CWC27: variants seen among roughly 807,000 people sequenced by gnomAD.
CWC27 encodes the protein CWC27 spliceosome associated cyclophilin, also known as spliceosome-associated protein CWC27 homolog.
Under a neutral mutation model 63.6 loss-of-function variants are expected in CWC27, and 47 were observed. That is an observed-to-expected ratio of 0.74 (90% CI 0.58 to 0.94). The LOEUF is 0.94. Among genes scored for constraint, CWC27 ranks in the 40% least tolerant of loss-of-function variants. CWC27 has a pLI of 0.00. For synonymous variants in CWC27, 175 were observed against 179.8 expected (o/e 0.97, Z 0.22); for missense variants, 495 against 554.3 (o/e 0.89, Z 1.07).
At chr5:64,797,462 A>G (rs1220609199) in intron 7 of CWC27, among the ~76,000 whole-genome samples, 1 of 152,152 alleles carries the variant, frequency 6.6e-6, no homozygotes, top group African/African-American at 2.4e-5. Context: ...GGCTTTTCAT[A>G]TATTTCTATA....
At position 64,783,935 on chromosome 5, in the gene CWC27, G is replaced by A; in HGVS notation, c.352G>A (p.Gly118Ser). 6.2e-7 allele frequency: 1 copy of A among 1,601,932 alleles called. No individual in the cohort carries two copies. The change falls in exon 4 of 14, where the codon GGT becomes AGT. Residue 118 changes from glycine to serine, a missense_variant. Coordinates refer to ENST00000381070, the MANE Select transcript of CWC27 (RefSeq NM_005869.4). ...TGGCAGCCAGTTTTTCTTCACACTG[G>A]GTCGAGCAGATGAACTTAACAATAA... The part of the protein sequence containing the change: ...DNGSQFFFTL[G>S]RADELNNKHT...
intron 11 of CWC27, among the ~76,000 whole-genome samples, chr5:64,899,509 A>T (rs1747454234): frequency 6.6e-6 from 1 of 152,206 alleles, no homozygotes; most frequent in South Asian, 2.1e-4. Flanking sequence ...TTGAGTATGA[A>T]TCTATGACAA....
At chr5:64,836,721 C>G (rs1279124080) in intron 10 of CWC27, among the ~76,000 whole-genome samples, 1 of 151,874 alleles carries the variant, frequency 6.6e-6, no homozygotes, top group Non-Finnish European at 1.5e-5. Flanking sequence ...TTTAAATCAC[C>G]CAACAGAGTA....
At chr5:64,822,024 CG>C (rs781077710) in intron 10 of CWC27, among the ~76,000 whole-genome samples, 3 of 152,150 alleles carry the variant, frequency 2.0e-5, no homozygotes, top group Non-Finnish European at 2.9e-5. Flanking sequence ...CAGGTCATGA[CG>C]GGCCTTGTAT....
At chr5:64,780,783 C>T (rs1056480110) in intron 2 of CWC27, among the ~76,000 whole-genome samples, 28 of 151,662 alleles carry the variant, frequency 1.8e-4, no homozygotes, top group African/African-American at 6.5e-4. Flanking sequence ...TTTTATATTC[C>T]CACCAGCAAT....
At chr5:65,017,184 G>A (rs748472343) in intron 13 of CWC27, among the ~76,000 whole-genome samples, 1 of 152,072 alleles carries the variant, frequency 6.6e-6, no homozygotes, top group South Asian at 2.1e-4. Context: ...AGCCAGGCGT[G>A]GTGGCAAATC....
At chr5:64,900,912 T>G (rs2112363445) in intron 11 of CWC27, among the ~76,000 whole-genome samples, 1 of 152,296 alleles carries the variant, frequency 6.6e-6, no homozygotes, top group East Asian at 1.9e-4. Flanking sequence ...CTGTGGCCAG[T>G]GGGCCACATG....
chr5:64,769,232 A>G, intron 1 of CWC27, 44 bp downstream of exon 1: 1 of 1,587,526 alleles, frequency 6.3e-7, no homozygotes, highest in Non-Finnish European at 8.6e-7. Context: ...GGATCCCCAA[A>G]GTGAGATTTC....
chr5:64,849,278 G>T (rs1561434010), intron 10 of CWC27, among the ~76,000 whole-genome samples: 1 of 151,358 alleles, frequency 6.6e-6, no homozygotes, highest in African/African-American at 2.4e-5. Flanking sequence ...AACTATGAAG[G>T]TGAAAGACCT....
chr5:64,783,170 A>G (rs1426426662), intron 3 of CWC27, among the ~76,000 whole-genome samples: 1 of 152,214 alleles, frequency 6.6e-6, no homozygotes, highest in Middle Eastern at 3.2e-3. Context: ...TAACATGACT[A>G]CATTTATAAA....
chr5:64,790,061 G>T (rs1244265771), intron 7 of CWC27, among the ~76,000 whole-genome samples: 1 of 152,200 alleles, frequency 6.6e-6, no homozygotes, highest in East Asian at 1.9e-4. Flanking sequence ...GCATTAAAAT[G>T]TAATTAAAAT....
chr5:64,971,129 CAT>C (rs1335138746), intron 11 of CWC27, among the ~76,000 whole-genome samples: 1 of 152,134 alleles, frequency 6.6e-6, no homozygotes, highest in Non-Finnish European at 1.5e-5. Context: ...CTAATCTTCA[CAT>C]AGAATTATTG....
At chr5:64,824,957 C>T (rs1277673677) in intron 10 of CWC27, among the ~76,000 whole-genome samples, 2 of 151,918 alleles carry the variant, frequency 1.3e-5, no homozygotes, top group South Asian at 4.1e-4. Context: ...TGGTCTCGAT[C>T]TCCTGACCTC....
intron 10 of CWC27, chr5:64,807,771 A>G (rs1233366058): frequency 1.6e-5 from 25 of 1,535,666 alleles, no homozygotes; most frequent in African/African-American, 1.1e-4. Context: ...AACTCACTCA[A>G]CGGATCACCT....
intron 10 of CWC27, among the ~76,000 whole-genome samples, chr5:64,824,180 T>G (rs1580644093): frequency 6.6e-6 from 1 of 152,194 alleles, no homozygotes; most frequent in Non-Finnish European, 1.5e-5. Flanking sequence ...ATTTTTTCCA[T>G]CTATGTGTTT....
intron 12 of CWC27, among the ~76,000 whole-genome samples, chr5:64,976,191 G>C (rs1749225805): frequency 6.6e-6 from 1 of 152,066 alleles, no homozygotes; most frequent in South Asian, 2.1e-4. Flanking sequence ...ATTTGTATGA[G>C]TAATGCTGCA....
rs74411065 is a variant in CWC27 at position 64,887,814 on chromosome 5, C to T, written c.1042+2268C>T. Among the ~76,000 whole-genome samples the T allele has an allele frequency of 3.8e-3, 581 of 152,210 alleles. 2 individuals carry two copies. The highest frequency in any genetic ancestry group is 0.012 in the African/African-American group (502 of 41,538). On this transcript the variant is annotated intron_variant, in intron 11 of 13. Transcript: ENST00000381070. ...CATAGTCAATTTTCTACCATTATAA[C>T]AGCAATACTTGCCAATTTTAAAAGA...
At chr5:64,796,733 T>G (rs2112196943) in intron 7 of CWC27, among the ~76,000 whole-genome samples, 1 of 150,560 alleles carries the variant, frequency 6.6e-6, no homozygotes, top group African/African-American at 2.4e-5. Flanking sequence ...GTTGCTCCTG[T>G]GTCCCTTCCT....
intron 11 of CWC27, among the ~76,000 whole-genome samples, chr5:64,893,364 G>T (rs969657590): frequency 9.2e-5 from 14 of 152,206 alleles, no homozygotes; most frequent in Non-Finnish European, 1.9e-4. Flanking sequence ...ATTTGGGAAA[G>T]ATATTCTTTT....
Sources: gnomAD v4.1 joint callset for allele counts (sites outside exome capture counted in the v4.1 genomes callset) on GRCh38, gnomAD v4.1.1 for gene constraint, MANE v1.5 for transcripts, NCBI Gene and HGNC (gene_info 2026-07-23, HGNC 2026-07-21) for gene names.